The following CPT1A variants were observed in gnomAD, a reference collection of about 807,000 sequenced individuals.
The protein encoded by CPT1A is carnitine palmitoyltransferase 1A, also known as carnitine O-palmitoyltransferase 1, liver isoform.
Under a neutral mutation model 100.8 loss-of-function variants are expected in CPT1A, and 64 were observed. The observed-to-expected ratio is 0.63, with a 90% CI of 0.52 to 0.78. CPT1A has a LOEUF of 0.78. Ranked by LOEUF, CPT1A falls within the 30% of genes least tolerant of loss-of-function variation. CPT1A has a pLI of 0.00. For missense variants in CPT1A, 802 were observed against 1,034.1 expected, an observed-to-expected ratio of 0.78 and a Z score of 3.08; for synonymous variants, 363 against 396.0, an observed-to-expected ratio of 0.92 and a Z score of 0.99.
intron 14 of CPT1A, among the ~76,000 whole-genome samples, chr11:68,768,064 G>GTAT (rs1566344951): frequency 1.5e-5 from 1 of 65,888 alleles, no homozygotes; most frequent in Non-Finnish European, 2.6e-5. Flanking sequence ...CTAGTTTCCA[G>GTAT]TCTTTTTTTT....
rs899488943 is a variant in CPT1A, at chr11:68,829,631, C to T, written c.-14+12144G>A. On this transcript the variant is annotated intron_variant, in intron 1 of 18. Transcript: ENST00000265641. The stretch of plus-strand genomic sequence containing the variant: ...CTTAACCTCTCCCCTGTCACTCACT[C>T]GTTCCCACAAATCATCGCGGAGCCC... 3.3e-5 allele frequency among the ~76,000 whole-genome samples: 5 copies of T among 152,238 alleles called. No individual in the cohort carries two copies. In the East Asian group the frequency reaches 5.8e-4, roughly 18 times the overall value.
rs201754128 is a variant in CPT1A, at chr11:68,816,324, G to A, written c.-13-837C>T. On this transcript the variant is annotated intron_variant, in intron 1 of 18. Coordinates refer to ENST00000265641, the MANE Select transcript of CPT1A (RefSeq NM_001876.4). Reference sequence around the variant, plus strand: ...CACGAAGACTCCATGAGTCATATGCGCAGACACCTCAAGAATGGGTGTCCA... The same window carrying A: ...CACGAAGACTCCATGAGTCATATGCACAGACACCTCAAGAATGGGTGTCCA... Among the ~76,000 whole-genome samples the A allele has an allele frequency of 3.9e-5, 6 of 152,258 alleles. No individual in the cohort carries two copies. In the East Asian group the frequency reaches 9.7e-4, roughly 25 times the overall value.
intron 17 of CPT1A, 115 bp downstream of exon 17, chr11:68,760,110 G>A (rs898971852): frequency 6.1e-5 from 45 of 737,024 alleles, no homozygotes; most frequent in South Asian, 6.0e-4. Context: ...ATTCCTTTAC[G>A]GCGGTAGAAC....
At chr11:68,780,858 C>G (rs1016359354) in intron 11 of CPT1A, 113 bp from the exon 12 acceptor site, 2 of 776,642 alleles carry the variant, frequency 2.6e-6, no homozygotes, top group Non-Finnish European at 4.6e-6. Context: ...ACCTGTCCCT[C>G]TAACAGTGAG....
At chr11:68,825,724 G>A (rs1190444745) in intron 1 of CPT1A, among the ~76,000 whole-genome samples, 1 of 151,872 alleles carries the variant, frequency 6.6e-6, no homozygotes, top group Non-Finnish European at 1.5e-5. Context: ...CCTCTTCCAG[G>A]TGCTTCCTCT....
At chr11:68,816,928 T>TG (rs1856424300) in intron 1 of CPT1A, among the ~76,000 whole-genome samples, 1 of 87,296 alleles carries the variant, frequency 1.1e-5, no homozygotes. Flanking sequence ...TGTGTGTGGG[T>TG]GTGTGTGTGG....
At chr11:68,814,887 G>A (rs997317497) in intron 2 of CPT1A, among the ~76,000 whole-genome samples, 4 of 151,294 alleles carry the variant, frequency 2.6e-5, no homozygotes, top group South Asian at 2.1e-4. Flanking sequence ...GGGTTTTGTC[G>A]TGTCACCCAG....
At chr11:68,776,742 G>A (rs1359864693) in intron 12 of CPT1A, among the ~76,000 whole-genome samples, 1 of 152,172 alleles carries the variant, frequency 6.6e-6, no homozygotes, top group African/African-American at 2.4e-5. Context: ...AGGTGGGTGT[G>A]GCGATGCACG....
intron 9 of CPT1A, among the ~76,000 whole-genome samples, chr11:68,791,941 A>C (rs1384155456): frequency 6.6e-6 from 1 of 152,142 alleles, no homozygotes; most frequent in East Asian, 1.9e-4. Flanking sequence ...GATACAGCAA[A>C]GGCTCCCCAA....
At chr11:68,805,632 G>T (rs1183186194) in intron 4 of CPT1A, among the ~76,000 whole-genome samples, 2 of 152,108 alleles carry the variant, frequency 1.3e-5, no homozygotes, top group Non-Finnish European at 2.9e-5. Context: ...CCGGGGCCAA[G>T]GTCGGGGCAG....
intron 1 of CPT1A, among the ~76,000 whole-genome samples, chr11:68,827,639 C>T (rs1307380734): frequency 6.6e-6 from 1 of 151,800 alleles, no homozygotes; most frequent in Non-Finnish European, 1.5e-5. Flanking sequence ...TCTTTGGCCT[C>T]CCAAGCTGCT....
rs1392662048 is a variant in CPT1A at position 68,757,745 on chromosome 11, C to T, written c.2236-15G>A. 1 of 1,609,892 alleles carries T rather than the reference C, an allele frequency of 6.2e-7. No individual in the cohort carries two copies. Among genetic ancestry groups the T allele is most frequent in the Non-Finnish European group, 8.5e-7 (1 of 1,176,808 alleles). ...CGATGAGAATCCTTTCATGTAAAAA[C>T]AAAAACCAAAAACCTATTAAAACGT... On this transcript the variant is annotated splice_polypyrimidine_tract_variant and intron_variant, in intron 18 of 18. Coordinates refer to ENST00000265641, the MANE Select transcript of CPT1A (RefSeq NM_001876.4).
intron 6 of CPT1A, among the ~76,000 whole-genome samples, chr11:68,798,943 C>A (rs542166996): frequency 6.6e-6 from 1 of 152,152 alleles, no homozygotes; most frequent in Admixed American, 6.6e-5. Context: ...GGGAGGATCA[C>A]TTGAGCCCAG....
intron 9 of CPT1A, among the ~76,000 whole-genome samples, chr11:68,786,776 G>A (rs974582005): frequency 6.6e-5 from 10 of 152,128 alleles, no homozygotes; most frequent in Admixed American, 1.3e-4. Context: ...TGATCCACCC[G>A]CCTCGGCCTC....
intron 14 of CPT1A, among the ~76,000 whole-genome samples, chr11:68,772,401 C>T (rs2060981): frequency 0.8 from 121,450 of 152,052 alleles, 48,925 homozygotes; most frequent in East Asian, 0.88. Context: ...ATGACTTGTG[C>T]TGCCCCCAGA....
chr11:68,811,948 C>CG (rs11323138), intron 3 of CPT1A, among the ~76,000 whole-genome samples: 10,245 of 151,932 alleles, frequency 0.067, 661 homozygotes, highest in African/African-American at 0.17. Context: ...GTAGGAGGGA[C>CG]GGGGGGGTCC....
intron 3 of CPT1A, 150 bp from the exon 4 acceptor site, chr11:68,807,788 G>A: frequency 1.3e-6 from 1 of 741,962 alleles, no homozygotes; most frequent in Non-Finnish European, 2.3e-6. Context: ...GCACTTGCAG[G>A]AACTGAGCTC....
chr11:68,775,571 G>T, intron 12 of CPT1A, 139 bp from the exon 13 acceptor site: 1 of 692,064 alleles, frequency 1.4e-6, no homozygotes, highest in Non-Finnish European at 2.6e-6. Context: ...AGTATGCTCA[G>T]CACCTAATGA....
intron 18 of CPT1A, among the ~76,000 whole-genome samples, chr11:68,759,213 G>A (rs1202156446): frequency 6.6e-6 from 1 of 151,918 alleles, no homozygotes; most frequent in African/African-American, 2.4e-5. Context: ...GCCCAACATG[G>A]TGAAACCCTG....
Sources: allele counts gnomAD v4.1 joint callset (sites outside exome capture counted in the v4.1 genomes callset), GRCh38; gene constraint gnomAD v4.1.1; transcripts MANE v1.5; gene names NCBI Gene and HGNC (gene_info 2026-07-23, HGNC 2026-07-21).